GRID2: variants seen among roughly 807,000 people sequenced by gnomAD.
The protein encoded by GRID2 is glutamate ionotropic receptor delta type subunit 2.
A neutral mutation model predicts 114.8 loss-of-function variants in GRID2; 33 were observed. The observed-to-expected ratio is 0.29, with a 90% confidence interval of 0.22 to 0.38. The LOEUF (loss-of-function observed/expected upper bound fraction) is 0.38. GRID2 is among the 10% of genes least tolerant of loss of function. The probability of loss-of-function intolerance (pLI) is 1.00; values close to 1 mark genes in which losing one functional copy is unlikely to be tolerated. For synonymous variants in GRID2, 505 were observed against 449.9 expected, an observed-to-expected ratio of 1.12 and a Z score of -1.55; for missense variants, 1,184 against 1,257.7, an observed-to-expected ratio of 0.94 and a Z score of 0.89.
intron 14 of GRID2, among the ~76,000 whole-genome samples, chr4:93,646,947 G>A (rs72873019): frequency 0.037 from 5,627 of 152,186 alleles, 347 homozygotes; most frequent in African/African-American, 0.13. Flanking sequence ...TTAATACCTC[G>A]GCTTTGGGTT....
intron 3 of GRID2, among the ~76,000 whole-genome samples, chr4:93,109,295 G>A (rs1732550800): frequency 1.3e-5 from 2 of 152,158 alleles, no homozygotes; most frequent in Non-Finnish European, 2.9e-5. Context: ...GATAAGAAAT[G>A]TAAGATAGAA....
chr4:92,617,013 A>AT (rs1386939407), intron 2 of GRID2, among the ~76,000 whole-genome samples: 1 of 151,486 alleles, frequency 6.6e-6, no homozygotes, highest in East Asian at 1.9e-4. Flanking sequence ...GATCAGGGTG[A>AT]TTAGCATATC....
intron 13 of GRID2, among the ~76,000 whole-genome samples, chr4:93,621,162 A>G (rs1416680286): frequency 6.6e-6 from 1 of 152,190 alleles, no homozygotes; most frequent in Non-Finnish European, 1.5e-5. Context: ...AAAGAAAAAT[A>G]TAGAAATGGG....
At chr4:92,954,409 T>C (rs1443721212) in intron 2 of GRID2, among the ~76,000 whole-genome samples, 1 of 151,826 alleles carries the variant, frequency 6.6e-6, no homozygotes, top group Non-Finnish European at 1.5e-5. Context: ...ACACTGTTTC[T>C]GCAGTTTTAT....
chr4:93,096,652 A>G (rs757365379), intron 3 of GRID2, among the ~76,000 whole-genome samples: 1 of 152,026 alleles, frequency 6.6e-6, no homozygotes, highest in East Asian at 1.9e-4. Flanking sequence ...GGAGATGCCA[A>G]TCTGCATCCA....
At chr4:92,604,766 G>C (rs1361649542) in intron 2 of GRID2, among the ~76,000 whole-genome samples, 1 of 152,004 alleles carries the variant, frequency 6.6e-6, no homozygotes, top group African/African-American at 2.4e-5. Context: ...CTGTCCTTCA[G>C]CTTACCCACA....
intron 7 of GRID2, among the ~76,000 whole-genome samples, chr4:93,225,839 T>C (rs900169190): frequency 6.6e-6 from 1 of 152,164 alleles, no homozygotes; most frequent in African/African-American, 2.4e-5. Context: ...GTTTTTTGGC[T>C]TATGATTCTC....
At chr4:92,326,573 T>C (rs1340186805) in intron 1 of GRID2, among the ~76,000 whole-genome samples, 1 of 151,952 alleles carries the variant, frequency 6.6e-6, no homozygotes, top group African/African-American at 2.4e-5. Flanking sequence ...TAATCTGTAA[T>C]GAAAATGATT....
intron 1 of GRID2, among the ~76,000 whole-genome samples, chr4:92,384,557 A>C (rs1448898302): frequency 1.3e-5 from 1 of 76,644 alleles, no homozygotes; most frequent in Non-Finnish European, 2.3e-5. Context: ...AATATATATT[A>C]TATATAATAT....
At chr4:93,360,406 T>C (rs778061392) in intron 8 of GRID2, among the ~76,000 whole-genome samples, 1 of 152,056 alleles carries the variant, frequency 6.6e-6, no homozygotes, top group Non-Finnish European at 1.5e-5. Flanking sequence ...TTTTAATTAC[T>C]TGAATATTTC....
At chr4:93,307,830 G>A (rs930902054) in intron 8 of GRID2, among the ~76,000 whole-genome samples, 1 of 151,646 alleles carries the variant, frequency 6.6e-6, no homozygotes, top group African/African-American at 2.4e-5. Flanking sequence ...ACAAGGAAAG[G>A]GGTAAACTGT....
chr4:92,880,814 C>T (rs757965638), intron 2 of GRID2, among the ~76,000 whole-genome samples: 12 of 152,108 alleles, frequency 7.9e-5, no homozygotes, highest in Non-Finnish European at 1.0e-4. Flanking sequence ...CTCTGCCTCC[C>T]GGGTTCAAGT....
At chr4:92,904,696 CCAAA>C (rs1447330357) in intron 2 of GRID2, among the ~76,000 whole-genome samples, 5 of 151,682 alleles carry the variant, frequency 3.3e-5, no homozygotes, top group African/African-American at 1.2e-4. Context: ...ACTTCAAGGG[CCAAA>C]CAAATTAAGA....
At chr4:92,478,718 A>G (rs1176780509) in intron 1 of GRID2, among the ~76,000 whole-genome samples, 1 of 152,096 alleles carries the variant, frequency 6.6e-6, no homozygotes, top group Non-Finnish European at 1.5e-5. Context: ...ACTTTTAAAT[A>G]TATCTGACTT....
At chr4:93,376,991 A>C (rs1370915719) in intron 8 of GRID2, among the ~76,000 whole-genome samples, 1 of 152,170 alleles carries the variant, frequency 6.6e-6, no homozygotes, top group South Asian at 2.1e-4. Flanking sequence ...AATAAAAATA[A>C]ATTATTCTAA....
intron 8 of GRID2, among the ~76,000 whole-genome samples, chr4:93,393,296 TAAG>T (rs1393383616): frequency 1.3e-5 from 2 of 151,794 alleles, no homozygotes; most frequent in Non-Finnish European, 2.9e-5. Flanking sequence ...CTGCTGTTAT[TAAG>T]AAGAAGAACA....
intron 8 of GRID2, among the ~76,000 whole-genome samples, chr4:93,255,238 A>T (rs955585881): frequency 4.6e-5 from 7 of 152,144 alleles, no homozygotes; most frequent in African/African-American, 1.7e-4. Context: ...GAAAAAAATT[A>T]GCAATCATTT....
chr4:93,563,714 G>C (rs1379581133), intron 13 of GRID2, among the ~76,000 whole-genome samples: 1 of 151,876 alleles, frequency 6.6e-6, no homozygotes, highest in African/African-American at 2.4e-5. Flanking sequence ...TTCTCTGTAG[G>C]CTTGTTTTAT....
intron 2 of GRID2, among the ~76,000 whole-genome samples, chr4:93,069,691 T>C (rs925122403): frequency 6.6e-6 from 1 of 152,142 alleles, no homozygotes; most frequent in Admixed American, 6.6e-5. Context: ...AATGTCGTTA[T>C]GTTTTCTCCT....
Sources: gnomAD v4.1 joint callset for allele counts (sites outside exome capture counted in the v4.1 genomes callset) on GRCh38, gnomAD v4.1.1 for gene constraint, MANE v1.5 for transcripts, NCBI Gene and HGNC (gene_info 2026-07-23, HGNC 2026-07-21) for gene names.